The following BMAL1 variants were observed in gnomAD, a reference collection of about 807,000 sequenced individuals.
The protein encoded by BMAL1 is basic helix-loop-helix ARNT-like protein 1.
chr11:13,372,705 G>C, the BMAL1 span, among the ~76,000 whole-genome samples: 2 of 152,090 alleles, frequency 1.3e-5, no homozygotes, highest in African/African-American at 2.4e-5. Flanking sequence ...ATCTACTCTG[G>C]AGGCTGAAGC....
At chr11:13,291,712 A>T in the BMAL1 span, among the ~76,000 whole-genome samples, 9 of 152,008 alleles carry the variant, frequency 5.9e-5, no homozygotes, top group East Asian at 1.7e-3. Context: ...GGCAGGAATT[A>T]TTAAAGTGAA....
At chr11:13,373,521 A>G in the BMAL1 span, among the ~76,000 whole-genome samples, 1 of 152,238 alleles carries the variant, frequency 6.6e-6, no homozygotes, top group South Asian at 2.1e-4. Context: ...TTCCTTTTTT[A>G]AAGACAGATC....
At chr11:13,325,901 G>A in the BMAL1 span, among the ~76,000 whole-genome samples, 230 of 151,916 alleles carry the variant, frequency 1.5e-3, 1 homozygote, top group African/African-American at 5.3e-3. Flanking sequence ...GTAGTGAGAA[G>A]CGGGGAAAGA....
the BMAL1 span, chr11:13,386,871 T>G: frequency 7.8e-7 from 1 of 1,280,458 alleles, no homozygotes; most frequent in Non-Finnish European, 1.1e-6. Context: ...ACTGACTTCA[T>G]AAAAGCCATC....
the BMAL1 span, chr11:13,276,699 A>G: frequency 9.2e-5 from 14 of 152,202 alleles, no homozygotes; most frequent in African/African-American, 3.1e-4. Flanking sequence ...ATGGATAACG[A>G]AAAAGAAGAC....
At chr11:13,319,455 C>G in the BMAL1 span, among the ~76,000 whole-genome samples, 1 of 152,184 alleles carries the variant, frequency 6.6e-6, no homozygotes, top group Non-Finnish European at 1.5e-5. Context: ...AATTCATGCT[C>G]TTCCTAGGAG....
At chr11:13,368,571 G>C in the BMAL1 span, among the ~76,000 whole-genome samples, 1 of 152,200 alleles carries the variant, frequency 6.6e-6, no homozygotes, top group South Asian at 2.1e-4. Context: ...GATGGGATGG[G>C]AGGAAGCCCA....
At chr11:13,325,897 A>G in the BMAL1 span, among the ~76,000 whole-genome samples, 3 of 151,802 alleles carry the variant, frequency 2.0e-5, no homozygotes, top group African/African-American at 7.3e-5. Flanking sequence ...TGCAGTAGTG[A>G]GAAGCGGGGA....
chr11:13,298,221 C>G, the BMAL1 span, among the ~76,000 whole-genome samples: 1 of 152,242 alleles, frequency 6.6e-6, no homozygotes, highest in African/African-American at 2.4e-5. Context: ...ACCTGCGCCT[C>G]TCTAGCTCCA....
At chr11:13,384,158 ATGAC>A in the BMAL1 span, among the ~76,000 whole-genome samples, 2 of 152,184 alleles carry the variant, frequency 1.3e-5, no homozygotes, top group African/African-American at 2.4e-5. Context: ...TTTAAGGAAA[ATGAC>A]TGACATTTGT....
chr11:13,311,202 A>G, the BMAL1 span, among the ~76,000 whole-genome samples: 1 of 152,226 alleles, frequency 6.6e-6, no homozygotes, highest in Non-Finnish European at 1.5e-5. Flanking sequence ...AGAGAATTGG[A>G]AATGCAGGGC....
the BMAL1 span, chr11:13,365,450 A>G: frequency 2.6e-6 from 4 of 1,536,190 alleles, no homozygotes; most frequent in Non-Finnish European, 3.6e-6. Flanking sequence ...GTGATTACAA[A>G]TTATGTTTCC....
the BMAL1 span, chr11:13,379,103 G>T: frequency 6.6e-6 from 1 of 152,210 alleles, no homozygotes; most frequent in African/African-American, 2.4e-5. Context: ...ACCATAAAAA[G>T]AAAGCACTAT....
At chr11:13,289,160 T>G in the BMAL1 span, among the ~76,000 whole-genome samples, 2 of 152,222 alleles carry the variant, frequency 1.3e-5, no homozygotes, top group South Asian at 4.1e-4. Context: ...TTGTGTGAGC[T>G]AAGGAAAGAA....
At chr11:13,346,966 C>A in the BMAL1 span, among the ~76,000 whole-genome samples, 9 of 152,168 alleles carry the variant, frequency 5.9e-5, no homozygotes, top group Non-Finnish European at 1.2e-4. Context: ...TTTCTTTTTT[C>A]TTATCTTTTG....
At chr11:13,385,826 AGCTT>A in the BMAL1 span, 4 of 1,493,382 alleles carry the variant, frequency 2.7e-6, no homozygotes, top group Non-Finnish European at 3.7e-6. Context: ...CATTGCAATG[AGCTT>A]GCAAAACATC....
chr11:13,298,104 T>C, the BMAL1 span, among the ~76,000 whole-genome samples: 1,907 of 152,304 alleles, frequency 0.013, 42 homozygotes, highest in African/African-American at 0.042. Context: ...TGGTGTATGG[T>C]TGATCATGCT....
the BMAL1 span, among the ~76,000 whole-genome samples, chr11:13,367,889 A>G: frequency 8.5e-5 from 13 of 152,260 alleles, no homozygotes; most frequent in African/African-American, 3.1e-4. Context: ...GTGTTAATGT[A>G]TATAAAGCAG....
At chr11:13,281,018 G>T in the BMAL1 span, among the ~76,000 whole-genome samples, 1 of 152,176 alleles carries the variant, frequency 6.6e-6, no homozygotes, top group African/African-American at 2.4e-5. Context: ...TCTCCTCTTG[G>T]TGTAATGGCA....
Sources: allele counts gnomAD v4.1 joint callset (sites outside exome capture counted in the v4.1 genomes callset), GRCh38; gene constraint gnomAD v4.1.1; transcripts MANE v1.5; gene names NCBI Gene and HGNC (gene_info 2026-07-23, HGNC 2026-07-21).